SMCHD1: variants seen among roughly 807,000 people sequenced by gnomAD.
SMCHD1 encodes the protein structural maintenance of chromosomes flexible hinge domain containing 1.
In SMCHD1, 78 loss-of-function variants were observed where a neutral mutation model predicts 254.7. That is an observed-to-expected ratio of 0.31 (90% CI 0.26 to 0.37). The LOEUF (loss-of-function observed/expected upper bound fraction) is 0.37. SMCHD1 is among the 10% of genes least tolerant of loss of function. The pLI is 1.00. For synonymous variants in SMCHD1, 766 were observed against 794.9 expected (o/e 0.96, Z 0.61); for missense variants, 1,840 against 2,408.1 (o/e 0.76, Z 4.94).
At chr18:2,712,387 A>G (rs1489849738) in intron 17 of SMCHD1, among the ~76,000 whole-genome samples, 7 of 152,164 alleles carry the variant, frequency 4.6e-5, no homozygotes, top group Non-Finnish European at 1.5e-5. Context: ...TCTGTAACCA[A>G]TCTATCACCA....
intron 5 of SMCHD1, among the ~76,000 whole-genome samples, chr18:2,676,286 T>C (rs1390640419): frequency 1.3e-5 from 2 of 152,062 alleles, no homozygotes; most frequent in Non-Finnish European, 2.9e-5. Flanking sequence ...ATGAATAAAA[T>C]GTAAGAGTAA....
At chr18:2,693,785 C>A (rs755746367) in intron 7 of SMCHD1, among the ~76,000 whole-genome samples, 3 of 152,142 alleles carry the variant, frequency 2.0e-5, no homozygotes, top group African/African-American at 7.2e-5. Flanking sequence ...GCGTGTACCA[C>A]CACGCCTGGC....
intron 22 of SMCHD1, 84 bp from the exon 23 acceptor site, chr18:2,728,373 A>T: frequency 7.7e-7 from 1 of 1,292,498 alleles, no homozygotes; most frequent in Non-Finnish European, 1.1e-6. Flanking sequence ...TTAAGTCTTT[A>T]ATGTTAAAGT....
chr18:2,799,084 T>C (rs1423958078), intron 47 of SMCHD1, among the ~76,000 whole-genome samples: 1 of 152,200 alleles, frequency 6.6e-6, no homozygotes, highest in Non-Finnish European at 1.5e-5. Context: ...GGTATAGATT[T>C]ACAGTGTTGT....
In SMCHD1 at chr18:2,775,014, T is replaced by G. The variant is rs12607269; in HGVS notation, c.5176-720T>G. Among the ~76,000 whole-genome samples the G allele has an allele frequency of 1.5e-4, 23 of 152,222 alleles. No individual in the cohort carries two copies. The East Asian group carries it at 3.5e-3, about 23-fold the overall frequency. Reference sequence around the variant, plus strand: ...GACTGAAGGAAGGATTTGTAATTATTTATTTATTCTAAGCTCCAAAGCATT... The same window carrying G: ...GACTGAAGGAAGGATTTGTAATTATGTATTTATTCTAAGCTCCAAAGCATT... On this transcript the variant is annotated intron_variant, in intron 41 of 47. Transcript: ENST00000320876.
chr18:2,728,882 A>G (rs377458611), intron 23 of SMCHD1: 2 of 272,478 alleles, frequency 7.3e-6, no homozygotes, highest in South Asian at 2.1e-4. Flanking sequence ...AAAGACAAAA[A>G]TGTCTTTCAG....
intron 19 of SMCHD1, among the ~76,000 whole-genome samples, chr18:2,719,118 C>A (rs999014636): frequency 2.6e-5 from 4 of 151,188 alleles, no homozygotes; most frequent in Non-Finnish European, 5.9e-5. Context: ...CCATGTACCT[C>A]GTATACCCTT....
chr18:2,747,905 T>C (rs1016284982), intron 30 of SMCHD1, among the ~76,000 whole-genome samples: 1 of 152,174 alleles, frequency 6.6e-6, no homozygotes, highest in Non-Finnish European at 1.5e-5. Flanking sequence ...CTAGTAAGAC[T>C]TGCATTTCAG....
intron 8 of SMCHD1, 45 bp downstream of exon 8, chr18:2,694,738 T>C: frequency 2.0e-6 from 3 of 1,530,070 alleles, no homozygotes; most frequent in Non-Finnish European, 2.7e-6. Context: ...ACTTAACTTT[T>C]TTAAGGCAGA....
chr18:2,694,624 T>C lies in SMCHD1; in HGVS notation c.971T>C (p.Ile324Thr). ...AAAGATAGCTTTACTGCTGTGGTTATCACAGGGGTACAACCAGAACACATA... is the reference window on the plus strand; with the variant it reads ...AAAGATAGCTTTACTGCTGTGGTTACCACAGGGGTACAACCAGAACACATA... ...KEKDSFTAVV[I>T]TGVQPEHIQY... Residue 324 changes from isoleucine (I) to threonine (T), a missense_variant, in exon 8 of 48, where the codon ATC becomes ACC. Physicochemically the swap from Ile to Thr is moderately conservative, Grantham distance 89. Around this residue, in one of 9 missense-constraint regions of SMCHD1, gnomAD observed 498 missense variants for 743.5 expected, o/e 0.67. Coordinates refer to ENST00000320876, the MANE Select transcript of SMCHD1 (RefSeq NM_015295.3). 6.2e-7 allele frequency: 1 copy of C among 1,613,126 alleles called. No homozygotes were observed. The highest frequency in any genetic ancestry group is 1.1e-5 in the South Asian group (1 of 91,060).
At position 2,709,774 on chromosome 18, in the gene SMCHD1, A is replaced by C. The variant is rs1045728820; in HGVS notation, c.2260+1854A>C. 2.6e-5 allele frequency among the ~76,000 whole-genome samples: 4 copies of C among 152,130 alleles called. No individual in the cohort carries two copies. The East Asian group carries it at 5.8e-4, about 22-fold the overall frequency. The stretch of plus-strand genomic sequence containing the variant: ...TTTTAAATTTTGTTGTTGAGTTGTA[A>C]GAGTTCTTTATAATCCTGGATATTA... On this transcript the variant is annotated intron_variant, in intron 17 of 47. Coordinates refer to ENST00000320876, the MANE Select transcript of SMCHD1 (RefSeq NM_015295.3).
chr18:2,666,669 T>C (rs1568082194), intron 2 of SMCHD1, among the ~76,000 whole-genome samples: 1 of 152,250 alleles, frequency 6.6e-6, no homozygotes, highest in Non-Finnish European at 1.5e-5. Context: ...AAGAATTGAG[T>C]GTTTCAAATG....
chr18:2,694,107 C>G (rs1037349269), intron 7 of SMCHD1, among the ~76,000 whole-genome samples: 5 of 152,176 alleles, frequency 3.3e-5, no homozygotes, highest in African/African-American at 1.2e-4. Flanking sequence ...TGGGTCCAGC[C>G]TGCCCTGTAG....
intron 34 of SMCHD1, among the ~76,000 whole-genome samples, chr18:2,755,757 C>T (rs961083529): frequency 1.3e-5 from 2 of 151,380 alleles, no homozygotes; most frequent in Admixed American, 1.3e-4. Flanking sequence ...TTAGTAGAGA[C>T]AGGGTTTCAC....
At chr18:2,683,545 AT>A (rs2073976354) in intron 5 of SMCHD1, among the ~76,000 whole-genome samples, 1 of 152,218 alleles carries the variant, frequency 6.6e-6, no homozygotes, top group African/African-American at 2.4e-5. Flanking sequence ...GATGTTATCT[AT>A]CTAGATGAAT....
At chr18:2,684,733 G>GTGTGTGTGTGTGTGTGTGTGTT (rs60671471) in intron 5 of SMCHD1, among the ~76,000 whole-genome samples, 1 of 147,662 alleles carries the variant, frequency 6.8e-6, no homozygotes, top group Admixed American at 6.7e-5. Context: ...GTGTGTGTGT[G>GTGTGTGTGTGTGTGTGTGTGTT]ATTCCATTTT....
chr18:2,735,477 A>G (rs568578341), intron 25 of SMCHD1, among the ~76,000 whole-genome samples: 207 of 152,228 alleles, frequency 1.4e-3, no homozygotes, highest in Non-Finnish European at 2.6e-3. Context: ...AAATAGGAAA[A>G]GAAGTCAAAC....
At chr18:2,700,418 C>A in intron 10 of SMCHD1, 121 bp from the exon 11 acceptor site, 1 of 1,074,858 alleles carries the variant, frequency 9.3e-7, no homozygotes, top group Non-Finnish European at 1.3e-6. Flanking sequence ...TTTTTGTGGG[C>A]AAACAGTATA....
chr18:2,655,825 C>T lies in SMCHD1; in HGVS notation c.-251C>T, dbSNP rs1275430092. On this transcript the variant is annotated 5_prime_UTR_variant, in exon 1 of 48. Coordinates refer to ENST00000320876, the MANE Select transcript of SMCHD1 (RefSeq NM_015295.3). ...GCCCGGTGAGGAGCGCGCCGCGCGT[C>T]CCCTTCTCCTCAGGAGTGGCGGGCC... 15 of 334,056 alleles carry T rather than the reference C, an allele frequency of 4.5e-5. No homozygotes were observed. The East Asian group carries it at 5.5e-4, about 12-fold the overall frequency. 20.7% of individuals were successfully genotyped at this position (334,056 alleles called of 1,614,324 possible). A position where few individuals can be genotyped will look rare whatever the true frequency, so the allele number is the denominator to read the frequency against.
Sources: gnomAD v4.1 joint callset for allele counts (sites outside exome capture counted in the v4.1 genomes callset) on GRCh38, gnomAD v4.1.1 for gene constraint, gnomAD v4.1.1 regional missense constraint, MANE v1.5 for transcripts, NCBI Gene and HGNC (gene_info 2026-07-23, HGNC 2026-07-21) for gene names.